The following IGF2BP1 variants were observed in gnomAD, a reference collection of about 807,000 sequenced individuals.
IGF2BP1 encodes the protein insulin like growth factor 2 mRNA binding protein 1.
IGF2BP1 carries 11 observed loss-of-function variants against 74.9 expected under a neutral mutation model. The ratio of observed to expected loss-of-function variants is 0.15; its 90% CI spans 0.09 to 0.24. The LOEUF (loss-of-function observed/expected upper bound fraction) is 0.24. Among genes scored for constraint, IGF2BP1 ranks in the 10% least tolerant of loss-of-function variants. The pLI is 1.00. For missense variants in IGF2BP1, 440 were observed against 757.4 expected, an observed-to-expected ratio of 0.58 and a Z score of 4.92; for synonymous variants, 287 against 281.8, an observed-to-expected ratio of 1.02 and a Z score of -0.18.
At chr17:49,027,343 C>T (rs1020952242) in intron 4 of IGF2BP1, among the ~76,000 whole-genome samples, 1 of 152,076 alleles carries the variant, frequency 6.6e-6, no homozygotes, top group Non-Finnish European at 1.5e-5. Context: ...ACTCTGCAGC[C>T]GTTTTACTTG....
At chr17:49,033,764 G>C (rs1327927614) in intron 5 of IGF2BP1, among the ~76,000 whole-genome samples, 1 of 152,124 alleles carries the variant, frequency 6.6e-6, no homozygotes. Flanking sequence ...TAGTCTCCAA[G>C]TGGTAAGCAA....
intron 2 of IGF2BP1, among the ~76,000 whole-genome samples, chr17:49,007,430 C>T (rs982160788): frequency 1.3e-5 from 2 of 152,232 alleles, no homozygotes; most frequent in African/African-American, 2.4e-5. Flanking sequence ...AATGCAGGCA[C>T]ATGGGTGGGT....
intron 11 of IGF2BP1, 53 bp from the exon 12 acceptor site, chr17:49,044,938 G>T: frequency 6.9e-7 from 1 of 1,453,306 alleles, no homozygotes. Flanking sequence ...AAGTGGACAT[G>T]GTGGGGGTCT....
chr17:49,055,550 G>A lies in IGF2BP1; in HGVS notation c.*6106G>A. 2.5e-6 allele frequency: 1 copy of A among 397,854 alleles called. No individual in the cohort carries two copies. Among genetic ancestry groups the A allele is most frequent in the Non-Finnish European group, 4.4e-6 (1 of 225,708 alleles). The allele number at this position is 397,854 out of a possible 1,614,324, so 24.6% of individuals were successfully genotyped here. The stretch of plus-strand genomic sequence containing the variant: ...CTGGGGAGCCACTTGTAACATTTCT[G>A]TGCAGATTTTATGTTAGCCACTGCT... On this transcript the variant is annotated 3_prime_UTR_variant, in exon 15 of 15. Coordinates refer to ENST00000290341, the MANE Select transcript of IGF2BP1 (RefSeq NM_006546.4).
chr17:48,999,179 A>T lies in IGF2BP1; in HGVS notation c.236+10A>T. 1.4e-6 allele frequency: 1 copy of T among 723,400 alleles called. No homozygotes were observed. Among genetic ancestry groups the T allele is most frequent in the Non-Finnish European group, 2.2e-6 (1 of 462,130 alleles). 44.8% of individuals were successfully genotyped at this position (723,400 alleles called of 1,614,324 possible). A position where few individuals can be genotyped will look rare whatever the true frequency, so the allele number is the denominator to read the frequency against. The stretch of plus-strand genomic sequence containing the variant: ...TGCCCAAAAAACAAAGGTAGGAAAG[A>T]GCTCTTTTCGGGGGGGGTGGGGGGG... On this transcript the variant is annotated intron_variant, in intron 2 of 14. Coordinates refer to ENST00000290341, the MANE Select transcript of IGF2BP1 (RefSeq NM_006546.4).
At chr17:49,024,140 A>G (rs1293337627) in intron 2 of IGF2BP1, among the ~76,000 whole-genome samples, 1 of 125,068 alleles carries the variant, frequency 8.0e-6, no homozygotes, top group African/African-American at 3.1e-5. Flanking sequence ...CATGTTGGCC[A>G]GGCTGGTCTC....
intron 2 of IGF2BP1, among the ~76,000 whole-genome samples, chr17:49,005,615 A>AG (rs2041542681): frequency 6.6e-6 from 1 of 152,174 alleles, no homozygotes; most frequent in Non-Finnish European, 1.5e-5. Context: ...AGGCAGGAGA[A>AG]GAGGGGAAGC....
chr17:49,009,452 G>A (rs959799199), intron 2 of IGF2BP1, among the ~76,000 whole-genome samples: 1 of 151,796 alleles, frequency 6.6e-6, no homozygotes, highest in Admixed American at 6.6e-5. Flanking sequence ...GCTCATGCCT[G>A]TAATCCCAGC....
chr17:49,032,086 C>A, intron 5 of IGF2BP1, 113 bp downstream of exon 5: 1 of 907,682 alleles, frequency 1.1e-6, no homozygotes, highest in Non-Finnish European at 1.8e-6. Context: ...GGGTCCCCAT[C>A]CAGGGTTCTG....
intron 2 of IGF2BP1, among the ~76,000 whole-genome samples, chr17:49,016,555 A>C (rs2041706032): frequency 6.6e-6 from 1 of 151,924 alleles, no homozygotes; most frequent in Non-Finnish European, 1.5e-5. Context: ...TTTCCTTCCT[A>C]CTTTTCCCCC....
At chr17:49,042,511 C>A in intron 9 of IGF2BP1, 134 bp downstream of exon 9, 1 of 902,312 alleles carries the variant, frequency 1.1e-6, no homozygotes. Flanking sequence ...TGGACTTCGA[C>A]TATCAGAAAT....
intron 14 of IGF2BP1, among the ~76,000 whole-genome samples, chr17:49,048,251 T>A (rs781424094): frequency 2.0e-5 from 3 of 151,908 alleles, no homozygotes; most frequent in Non-Finnish European, 4.4e-5. Flanking sequence ...TATTTTTTAT[T>A]TTTACTTTTT....
At position 49,055,703 on chromosome 17, in the gene IGF2BP1, A is replaced by G. The variant is rs1403339213; in HGVS notation, c.*6259A>G. On this transcript the variant is annotated 3_prime_UTR_variant, in exon 15 of 15. Transcript: ENST00000290341. The stretch of plus-strand genomic sequence containing the variant: ...GATCCTGGTCCCCAAAACCAGAGTG[A>G]ATCAAAAGAGCTTCCTCCCCTGAGG... 2.5e-6 allele frequency: 1 copy of G among 398,406 alleles called. No individual in the cohort carries two copies. The highest frequency in any genetic ancestry group is 4.4e-6 in the Non-Finnish European group (1 of 226,068). 24.7% of individuals were successfully genotyped at this position (398,406 alleles called of 1,614,324 possible).
At chr17:49,033,531 T>TG (rs1440362319) in intron 5 of IGF2BP1, among the ~76,000 whole-genome samples, 3 of 151,808 alleles carry the variant, frequency 2.0e-5, no homozygotes, top group South Asian at 2.1e-4. Context: ...TTAGTAGAGA[T>TG]GGGGTCTCAC....
chr17:49,025,857 C>T (rs9903641), intron 3 of IGF2BP1, among the ~76,000 whole-genome samples, 191 bp downstream of exon 3: 36,821 of 94,034 alleles, frequency 0.39, 5,908 homozygotes, highest in African/African-American at 0.53. Context: ...TCTTTTCTTT[C>T]TTTTTTTTTT....
rs1277973560 is a variant in IGF2BP1 at position 49,048,281 on chromosome 17, C to G, written c.1642-1071C>G. ...CTTTTTTTTTTTTTTGAGATGGAGT[C>G]TCGCTGTGTTGTCCAGGGTGGAGTG... On this transcript the variant is annotated intron_variant, in intron 14 of 14. Transcript: ENST00000290341. Among the ~76,000 whole-genome samples, 6 of 146,436 alleles carry G rather than the reference C, an allele frequency of 4.1e-5. No homozygotes were observed. In the Admixed American group the frequency reaches 4.1e-4, roughly 10 times the overall value.
intron 2 of IGF2BP1, among the ~76,000 whole-genome samples, chr17:49,010,184 A>G (rs1416494107): frequency 6.6e-6 from 1 of 152,222 alleles, no homozygotes; most frequent in Non-Finnish European, 1.5e-5. Flanking sequence ...GAAACTCTGT[A>G]GCCATTAAAT....
rs112603005 is a variant in IGF2BP1, at chr17:48,997,557, T to C, written c.-189T>C. The C allele has an allele frequency of 2.8e-5, 17 of 606,226 alleles. No individual in the cohort carries two copies. In the African/African-American group the frequency reaches 2.8e-4, roughly 10 times the overall value. The allele number at this position is 606,226 out of a possible 1,614,324, so 37.6% of individuals were successfully genotyped here. ...CTTCTCCTGGGCTCTCCCCGAACTC[T>C]CCCGCGACCTCTGCGCGCCCTCAGG... is the stretch of plus-strand genomic sequence containing the variant. On this transcript the variant is annotated 5_prime_UTR_variant, in exon 1 of 15. Coordinates refer to ENST00000290341, the MANE Select transcript of IGF2BP1 (RefSeq NM_006546.4). The surrounding 1 kb of genome is among the most constrained non-coding windows in gnomAD (Gnocchi z 4.8).
At chr17:49,026,437 A>T in intron 3 of IGF2BP1, 29 bp from the exon 4 acceptor site, 3 of 1,608,902 alleles carry the variant, frequency 1.9e-6, no homozygotes, top group Non-Finnish European at 2.6e-6. Context: ...ACTCAGAGTT[A>T]AGTGTACTTC....
Sources: allele counts gnomAD v4.1 joint callset (sites outside exome capture counted in the v4.1 genomes callset), GRCh38; gene constraint gnomAD v4.1.1; non-coding constraint Gnocchi (gnomAD v3.1); transcripts MANE v1.5; gene names NCBI Gene and HGNC (gene_info 2026-07-23, HGNC 2026-07-21).